The following NUP155 variants were observed in gnomAD, a reference collection of about 807,000 sequenced individuals.
NUP155 encodes nucleoporin 155, also known as nuclear pore complex protein Nup155.
In NUP155, 71 loss-of-function variants were observed where a neutral mutation model predicts 180.4. The ratio of observed to expected loss-of-function variants is 0.39; its 90% CI spans 0.33 to 0.48. NUP155 has a LOEUF of 0.48. NUP155 is among the 20% of genes least tolerant of loss of function. NUP155 has a pLI of 0.91. For synonymous variants in NUP155, 582 were observed against 559.5 expected (o/e 1.04, Z -0.57); for missense variants, 1,553 against 1,648.9 (o/e 0.94, Z 1.01).
chr5:37,319,431 A>G (rs1206928820), intron 20 of NUP155, among the ~76,000 whole-genome samples: 1 of 152,238 alleles, frequency 6.6e-6, no homozygotes, highest in Non-Finnish European at 1.5e-5. Context: ...CGAAATTAGG[A>G]CATGTATTAA....
intron 13 of NUP155, 125 bp from the exon 14 acceptor site, chr5:37,331,920 G>A (rs1301588437): frequency 1.5e-6 from 1 of 687,786 alleles, no homozygotes; most frequent in Non-Finnish European, 2.6e-6. Context: ...ATACAAAGTA[G>A]GCTGGGTATG....
chr5:37,349,172 C>A lies in NUP155; in HGVS notation c.903G>T (p.Gln301His). 1.5e-6 allele frequency: 1 copy of A among 679,908 alleles called. No homozygotes were observed. 42.1% of individuals were successfully genotyped at this position (679,908 alleles called of 1,614,324 possible). Residue 301 changes from glutamine to histidine, a missense_variant and splice_region_variant, in exon 8 of 35, where the codon CAG becomes CAT. By Grantham distance (24) the Gln-to-His change is conservative. Coordinates refer to ENST00000231498, the MANE Select transcript of NUP155 (RefSeq NM_153485.3). ...LYTRSEKGVIQVYDLGQDGQG... is the reference protein window; with the variant it reads ...LYTRSEKGVIHVYDLGQDGQG... ...ATGGTATAATAATATTAATACTAAC[C>A]TGTATTACTCCTTTCTCAGATCGTG...
In NUP155 at chr5:37,364,244, T is replaced by G; in HGVS notation, c.295+3A>C. ...TTAAAATAAATACAAAGTAATAGGA[T>G]ACGTCCAAACTGCTCAACAAGTTCA... On this transcript the variant is annotated splice_donor_region_variant and intron_variant, in intron 2 of 34. Coordinates refer to ENST00000231498, the MANE Select transcript of NUP155 (RefSeq NM_153485.3). 6.2e-7 allele frequency: 1 copy of G among 1,605,614 alleles called. No individual in the cohort carries two copies. Among genetic ancestry groups the G allele is most frequent in the Non-Finnish European group, 8.5e-7 (1 of 1,172,304 alleles).
In NUP155 at chr5:37,301,518, T is replaced by C; in HGVS notation, c.3480A>G (p.Thr1160=). ...AATGATGGGAATACTGCCTTTGTAG[T>C]GTCTCCTGTATCTGAAGTTGGATCC... The part of the protein sequence containing the change: ...VARIQLQIQE[T]LQRQYSHHSS... The change falls in exon 30 of 35, where the codon ACA becomes ACG. Residue 1160 remains threonine (T), a synonymous_variant. Coordinates refer to ENST00000231498, the MANE Select transcript of NUP155 (RefSeq NM_153485.3). 6.2e-6 allele frequency: 10 copies of C among 1,613,594 alleles called. No homozygotes were observed. Among genetic ancestry groups the C allele is most frequent in the Non-Finnish European group, 7.6e-6 (9 of 1,179,510 alleles).
intron 3 of NUP155, 76 bp from the exon 4 acceptor site, chr5:37,358,227 C>G: frequency 9.4e-7 from 1 of 1,066,654 alleles, no homozygotes. Flanking sequence ...GTCTTTAATC[C>G]CAGTACTTTG....
At chr5:37,334,272 T>G (rs1353671414) in intron 12 of NUP155, among the ~76,000 whole-genome samples, 1 of 152,048 alleles carries the variant, frequency 6.6e-6, no homozygotes, top group Non-Finnish European at 1.5e-5. Flanking sequence ...CCGCCTAATT[T>G]TTCTATGTTT....
chr5:37,310,680 T>C lies in NUP155; in HGVS notation c.2500A>G (p.Thr834Ala). 6.2e-7 allele frequency: 1 copy of C among 1,613,936 alleles called. No homozygotes were observed. Among genetic ancestry groups the C allele is most frequent in the South Asian group, 1.1e-5 (1 of 91,082 alleles). ...ATAAGAGAAGCAATTAATGCCCCTG[T>C]GAGTTCTTTGTCCCTGATTACAAGA... ...KDLVIRDKELTGALIASLINC... is the reference protein window; with the variant it reads ...KDLVIRDKELAGALIASLINC... The change falls in exon 23 of 35, where the codon ACA becomes GCA. Residue 834 changes from threonine to alanine, a missense_variant. Coordinates refer to ENST00000231498, the MANE Select transcript of NUP155 (RefSeq NM_153485.3).
At chr5:37,328,549 G>C (rs1289294224) in intron 16 of NUP155, 129 bp from the exon 17 acceptor site, 2 of 681,868 alleles carry the variant, frequency 2.9e-6, no homozygotes, top group Non-Finnish European at 5.3e-6. Context: ...TGTGGCCCAG[G>C]CTGGAGTGCA....
chr5:37,311,110 A>G (rs1743497523), intron 22 of NUP155, among the ~76,000 whole-genome samples: 1 of 152,198 alleles, frequency 6.6e-6, no homozygotes, highest in Non-Finnish European at 1.5e-5. Context: ...TTAGAATTCC[A>G]TTATTCTAGG....
At chr5:37,300,032 A>AG (rs1742783255) in intron 30 of NUP155, among the ~76,000 whole-genome samples, 1 of 152,072 alleles carries the variant, frequency 6.6e-6, no homozygotes, top group Admixed American at 6.6e-5. Flanking sequence ...CGCCAAAAAA[A>AG]AAAAAAAAGG....
At chr5:37,325,786 A>AT (rs1182797393) in intron 19 of NUP155, 115 bp downstream of exon 19, 15 of 699,070 alleles carry the variant, frequency 2.1e-5, no homozygotes, top group Non-Finnish European at 3.4e-5. Flanking sequence ...AAAAAAAAAA[A>AT]AAAAATAACC....
At chr5:37,329,870 T>C (rs1744841651) in intron 15 of NUP155, among the ~76,000 whole-genome samples, 168 bp downstream of exon 15, 1 of 152,244 alleles carries the variant, frequency 6.6e-6, no homozygotes, top group South Asian at 2.1e-4. Context: ...TACTTGCTTC[T>C]ATTACCATTA....
Position 37,288,659 on chromosome 5 carries a change from G to A in NUP155, c.*3241C>T, listed in dbSNP as rs1010553042. 1.3e-5 allele frequency: 2 copies of A among 150,874 alleles called. No homozygotes were observed. The highest frequency in any genetic ancestry group is 4.9e-5 in the African/African-American group (2 of 40,878). The allele number at this position is 150,874 out of a possible 1,614,324, so 9.3% of individuals were successfully genotyped here. On this transcript the variant is annotated 3_prime_UTR_variant, in exon 35 of 35. Coordinates refer to ENST00000231498, the MANE Select transcript of NUP155 (RefSeq NM_153485.3). ...TCATGCCTATAATCCCAGCACTTTGGGAGACTGAGGCAGGGGAATCACTTA... is the reference window on the plus strand; with the variant it reads ...TCATGCCTATAATCCCAGCACTTTGAGAGACTGAGGCAGGGGAATCACTTA...
At chr5:37,323,171 G>C (rs1744359695) in intron 20 of NUP155, among the ~76,000 whole-genome samples, 2 of 151,140 alleles carry the variant, frequency 1.3e-5, no homozygotes, top group Middle Eastern at 3.4e-3. Flanking sequence ...TGTAATCTAA[G>C]CTACTTGGGA....
At chr5:37,346,437 C>T (rs1183663215) in intron 9 of NUP155, among the ~76,000 whole-genome samples, 2 of 151,978 alleles carry the variant, frequency 1.3e-5, no homozygotes, top group African/African-American at 4.8e-5. Flanking sequence ...TTCGGGAGGC[C>T]AAGGCAGGCA....
At chr5:37,355,519 A>G (rs1746756885) in intron 4 of NUP155, among the ~76,000 whole-genome samples, 1 of 151,234 alleles carries the variant, frequency 6.6e-6, no homozygotes, top group Non-Finnish European at 1.5e-5. Flanking sequence ...AAAAAAAAAA[A>G]GTACGGTTAA....
rs1321825144 is a variant in NUP155, at chr5:37,314,264, C to T, written c.2370G>A (p.Gln790=). ...AAAGAAGTTTCCATAAAGCCAGAGC[C>T]TGATATGATTTTCGAACCAACTGCT... ...AIQQLVRKSY[Q]ALALWKLLCE... Residue 790 remains glutamine, a synonymous_variant, in exon 22 of 35, where the codon CAG becomes CAA. Transcript: ENST00000231498. 3 of 1,610,112 alleles carry T rather than the reference C, an allele frequency of 1.9e-6. No homozygotes were observed. The South Asian group carries it at 3.3e-5, about 18-fold the overall frequency.
intron 12 of NUP155, among the ~76,000 whole-genome samples, 161 bp from the exon 13 acceptor site, chr5:37,333,794 G>C (rs1038437556): frequency 1.1e-4 from 17 of 151,538 alleles, no homozygotes; most frequent in Non-Finnish European, 1.6e-4. Context: ...TTTTAAATCA[G>C]GTATTTTCTG....
chr5:37,353,950 T>C (rs1005138041), intron 4 of NUP155, among the ~76,000 whole-genome samples: 2 of 152,216 alleles, frequency 1.3e-5, no homozygotes, highest in Non-Finnish European at 2.9e-5. Flanking sequence ...GTTTGTATTA[T>C]GTGTATTTTA....
Sources: allele counts gnomAD v4.1 joint callset (sites outside exome capture counted in the v4.1 genomes callset), GRCh38; gene constraint gnomAD v4.1.1; transcripts MANE v1.5; gene names NCBI Gene and HGNC (gene_info 2026-07-23, HGNC 2026-07-21).